The following PTGES3 variants were observed in gnomAD, a reference collection of about 807,000 sequenced individuals.
The protein encoded by PTGES3 is Hsp90 co-chaperone.
PTGES3 carries 5 observed loss-of-function variants against 29.9 expected under a neutral mutation model. That is an observed-to-expected ratio of 0.17 (90% CI 0.09 to 0.35). The LOEUF is 0.35. Among genes scored for constraint, PTGES3 ranks in the 10% least tolerant of loss-of-function variants. PTGES3 has a pLI of 1.00. For synonymous variants in PTGES3, 49 were observed against 57.8 expected (o/e 0.85, Z 0.69); for missense variants, 128 against 190.0 (o/e 0.67, Z 1.92).
intron 1 of PTGES3, among the ~76,000 whole-genome samples, chr12:56,680,464 C>T (rs1952480702): frequency 6.6e-6 from 1 of 151,962 alleles, no homozygotes; most frequent in Non-Finnish European, 1.5e-5. Context: ...TGCCTCTCTG[C>T]AACCCCTGCT....
intron 1 of PTGES3, among the ~76,000 whole-genome samples, chr12:56,682,528 C>A (rs570335564): frequency 6.6e-6 from 1 of 151,918 alleles, no homozygotes; most frequent in Non-Finnish European, 1.5e-5. Context: ...TGCACTCCAG[C>A]CTGGGCAAAG....
At chr12:56,673,150 T>C in intron 1 of PTGES3, 85 bp from the exon 2 acceptor site, 7 of 820,112 alleles carry the variant, frequency 8.5e-6, no homozygotes, top group Middle Eastern at 2.3e-4. Context: ...ATTATAGCAT[T>C]ATTTCAGGGC....
At chr12:56,668,997 T>C (rs987447043) in intron 5 of PTGES3, among the ~76,000 whole-genome samples, 1 of 144,154 alleles carries the variant, frequency 6.9e-6, no homozygotes, top group Non-Finnish European at 1.5e-5. Context: ...TGGTAAACAT[T>C]TCACCATGAA....
chr12:56,679,064 G>A (rs368916463), intron 1 of PTGES3, among the ~76,000 whole-genome samples: 37 of 152,226 alleles, frequency 2.4e-4, no homozygotes, highest in Middle Eastern at 6.8e-3. Flanking sequence ...GTTATAGTGA[G>A]CATGGTTGTA....
At chr12:56,682,894 T>C (rs960951203) in intron 1 of PTGES3, among the ~76,000 whole-genome samples, 2 of 151,530 alleles carry the variant, frequency 1.3e-5, no homozygotes, top group Non-Finnish European at 2.9e-5. Context: ...CTTGGGAGTC[T>C]GAGAGAGGAG....
At chr12:56,686,724 G>A (rs1032268968) in intron 1 of PTGES3, 19 of 394,212 alleles carry the variant, frequency 4.8e-5, no homozygotes, top group African/African-American at 2.7e-4. Flanking sequence ...TTCGGGGAGG[G>A]GGCTCCTTCA....
rs1952256006 is a variant in PTGES3 at position 56,676,507 on chromosome 12, G to T, written c.3-3442C>A. Reference sequence around the variant, plus strand: ...TGACCTTGAGTCTTTCTTGAACAAAGAAAAATTCTTTTATCTCCTGGGGAT... The same window carrying T: ...TGACCTTGAGTCTTTCTTGAACAAATAAAAATTCTTTTATCTCCTGGGGAT... On this transcript the variant is annotated intron_variant, in intron 1 of 7. Coordinates refer to ENST00000262033, the MANE Select transcript of PTGES3 (RefSeq NM_006601.7). Among the ~76,000 whole-genome samples the T allele has an allele frequency of 3.3e-5, 5 of 152,158 alleles. No individual in the cohort carries two copies. The South Asian group carries it at 1.0e-3, about 32-fold the overall frequency.
At chr12:56,680,143 C>A (rs1001298126) in intron 1 of PTGES3, among the ~76,000 whole-genome samples, 1 of 150,482 alleles carries the variant, frequency 6.6e-6, no homozygotes, top group Non-Finnish European at 1.5e-5. Context: ...GCGATCACAG[C>A]TCACTGCAAT....
At chr12:56,679,463 T>G (rs1016080351) in intron 1 of PTGES3, among the ~76,000 whole-genome samples, 2 of 151,176 alleles carry the variant, frequency 1.3e-5, no homozygotes, top group Non-Finnish European at 2.9e-5. Context: ...GGTTTATTGT[T>G]GTTTTGCTTT....
chr12:56,672,188 T>C (rs1952030204), intron 3 of PTGES3, among the ~76,000 whole-genome samples: 1 of 152,000 alleles, frequency 6.6e-6, no homozygotes, highest in East Asian at 1.9e-4. Flanking sequence ...CACAGAATGG[T>C]TTAAAGATTC....
chr12:56,677,876 G>A (rs1215012135), intron 1 of PTGES3, among the ~76,000 whole-genome samples: 2 of 152,176 alleles, frequency 1.3e-5, no homozygotes, highest in African/African-American at 4.8e-5. Flanking sequence ...CAAGGTAGTT[G>A]TGAGTTCCTC....
chr12:56,668,375 A>G (rs1951865310), intron 5 of PTGES3, among the ~76,000 whole-genome samples: 2 of 152,218 alleles, frequency 1.3e-5, no homozygotes, highest in Non-Finnish European at 2.9e-5. Flanking sequence ...TATTCAAGAG[A>G]TATGTAAGAG....
At chr12:56,682,562 G>A (rs891793750) in intron 1 of PTGES3, among the ~76,000 whole-genome samples, 10 of 151,694 alleles carry the variant, frequency 6.6e-5, no homozygotes, top group African/African-American at 2.4e-4. Flanking sequence ...TCTCAGAAAA[G>A]AAGAAATATT....
At chr12:56,664,733 T>A (rs754579273) in intron 7 of PTGES3, 43 bp downstream of exon 7, 1 of 1,562,596 alleles carries the variant, frequency 6.4e-7, no homozygotes, top group East Asian at 2.3e-5. Flanking sequence ...TGTTTTTTGA[T>A]GCAAAGTATC....
chr12:56,681,836 G>A (rs991471517), intron 1 of PTGES3, among the ~76,000 whole-genome samples: 12 of 150,964 alleles, frequency 7.9e-5, no homozygotes, highest in Non-Finnish European at 1.3e-4. Context: ...CAGCCTGGGC[G>A]ACAGAGCAAG....
chr12:56,687,213 T>C (rs779419275), intron 1 of PTGES3: 28 of 1,050,380 alleles, frequency 2.7e-5, no homozygotes, highest in African/African-American at 3.3e-5. Flanking sequence ...TACATACCTA[T>C]TTCATCCTAC....
At chr12:56,671,690 A>G (rs1366177508) in intron 4 of PTGES3, 59 bp downstream of exon 4, 1 of 1,111,638 alleles carries the variant, frequency 9.0e-7, no homozygotes, top group Non-Finnish European at 1.3e-6. Flanking sequence ...AAATAAGTAC[A>G]TCTTTTATTA....
chr12:56,674,824 T>C (rs1317129431), intron 1 of PTGES3, among the ~76,000 whole-genome samples: 3 of 6,624 alleles, frequency 4.5e-4, no homozygotes, highest in Non-Finnish European at 7.3e-4. Context: ...AGACTCCATC[T>C]CAAAAAAAAA....
At chr12:56,664,713 ATT>A (rs1260010780) in intron 7 of PTGES3, 61 bp downstream of exon 7, 1 of 1,537,532 alleles carries the variant, frequency 6.5e-7, no homozygotes, top group African/African-American at 1.4e-5. Context: ...TAACATCTCT[ATT>A]TTGAGTTTGT....
Sources: gnomAD v4.1 joint callset for allele counts (sites outside exome capture counted in the v4.1 genomes callset) on GRCh38, gnomAD v4.1.1 for gene constraint, MANE v1.5 for transcripts, NCBI Gene and HGNC (gene_info 2026-07-23, HGNC 2026-07-21) for gene names.